The following SGCZ variants were observed in gnomAD, a reference collection of about 807,000 sequenced individuals.
The protein encoded by SGCZ is zeta-sarcoglycan.
In SGCZ, 40 loss-of-function variants were observed where a neutral mutation model predicts 41.3. The observed-to-expected ratio is 0.97, with a 90% CI of 0.75 to 1.26. SGCZ has a LOEUF of 1.26. Among genes scored for constraint, SGCZ ranks in the 50% most tolerant of loss-of-function variants. The pLI is 0.00. For synonymous variants in SGCZ, 206 were observed against 137.5 expected, an observed-to-expected ratio of 1.50 and a Z score of -3.49; for missense variants, 552 against 369.8, an observed-to-expected ratio of 1.49 and a Z score of -4.04.
chr8:14,763,319 C>T lies in SGCZ; in HGVS notation c.40-208393G>A, dbSNP rs6990580. ...AGTTCAGTGTTTTTTCATTTTAATACGGTGGACAAAGCCCATTCTCCAGGA... is the reference window on the plus strand; with the variant it reads ...AGTTCAGTGTTTTTTCATTTTAATATGGTGGACAAAGCCCATTCTCCAGGA... On this transcript the variant is annotated intron_variant, in intron 1 of 7. Coordinates refer to ENST00000382080, the MANE Select transcript of SGCZ (RefSeq NM_139167.4). 5.8e-3 allele frequency among the ~76,000 whole-genome samples: 887 copies of T among 152,204 alleles called. 14 individuals are homozygous for T. The highest frequency in any genetic ancestry group is 0.02 in the African/African-American group (823 of 41,526).
Position 14,946,351 on chromosome 8 carries a change from C to T in SGCZ, c.39+291234G>A, listed in dbSNP as rs147396378. ...TCGGAGTGGCCACGTATACTCCTCGCGCATCACAGAAGGAAACGCTGCTCT... is the reference window on the plus strand; with the variant it reads ...TCGGAGTGGCCACGTATACTCCTCGTGCATCACAGAAGGAAACGCTGCTCT... On this transcript the variant is annotated intron_variant, in intron 1 of 7. Transcript: ENST00000382080. Among the ~76,000 whole-genome samples the T allele has an allele frequency of 2.4e-3, 370 of 151,762 alleles. 3 individuals are homozygous for T. Among genetic ancestry groups the T allele is most frequent in the African/African-American group, 8.6e-3 (358 of 41,392 alleles).
At chr8:14,097,648 A>G (rs980462178) in intron 7 of SGCZ, among the ~76,000 whole-genome samples, 71 of 152,034 alleles carry the variant, frequency 4.7e-4, no homozygotes, top group African/African-American at 1.6e-3. Flanking sequence ...ATCCTTGTTA[A>G]TTTTCTGTCT....
intron 1 of SGCZ, among the ~76,000 whole-genome samples, chr8:15,077,763 A>G (rs1216945088): frequency 1.3e-5 from 2 of 152,102 alleles, no homozygotes; most frequent in African/African-American, 4.8e-5. Flanking sequence ...TAGACACTAA[A>G]CATCCAGCAA....
chr8:14,701,699 CA>C (rs1809143346), intron 1 of SGCZ, among the ~76,000 whole-genome samples: 1 of 151,832 alleles, frequency 6.6e-6, no homozygotes, highest in Non-Finnish European at 1.5e-5. Context: ...ACTGAGAAAG[CA>C]GACACAATCA....
chr8:15,037,803 T>C (rs772756725), intron 1 of SGCZ, among the ~76,000 whole-genome samples: 2 of 152,080 alleles, frequency 1.3e-5, no homozygotes, highest in Non-Finnish European at 2.9e-5. Flanking sequence ...AATCAACATA[T>C]CAATGTCAGT....
In SGCZ at chr8:14,554,874, G is replaced by T. The variant is rs557394974; in HGVS notation, c.92C>A (p.Thr31Asn). Residue 31 changes from threonine (T) to asparagine (N), a missense_variant, in exon 2 of 8, where the codon ACT (threonine) becomes AAT (asparagine). Transcript: ENST00000382080. ...CACTGGGTAAAGTTGTGCATTCTCA[G>T]TCCTTGGCAGGTTATTCTGTTGGGT... ...LATQQNNLPRTENAQLYPVGI... is the reference protein window; with the variant it reads ...LATQQNNLPRNENAQLYPVGI... 3 of 1,612,872 alleles carry T rather than the reference G, an allele frequency of 1.9e-6. No homozygotes were observed. The East Asian group carries it at 6.7e-5, about 36-fold the overall frequency.
At chr8:14,729,955 C>G (rs1416635380) in intron 1 of SGCZ, among the ~76,000 whole-genome samples, 3 of 152,100 alleles carry the variant, frequency 2.0e-5, no homozygotes, top group Non-Finnish European at 4.4e-5. Flanking sequence ...CATGGTAGGA[C>G]AGTCCTCTAA....
At chr8:15,134,116 T>C (rs571257916) in intron 1 of SGCZ, among the ~76,000 whole-genome samples, 23 of 152,270 alleles carry the variant, frequency 1.5e-4, no homozygotes, top group African/African-American at 5.5e-4. Flanking sequence ...TATAAGGCTA[T>C]TTAATAAATA....
chr8:14,122,635 A>G (rs1802734918), intron 5 of SGCZ, among the ~76,000 whole-genome samples: 1 of 152,242 alleles, frequency 6.6e-6, no homozygotes, highest in Non-Finnish European at 1.5e-5. Context: ...TTAAATATCC[A>G]TAAGATATGC....
At chr8:14,755,757 A>C (rs1799644438) in intron 1 of SGCZ, among the ~76,000 whole-genome samples, 1 of 152,182 alleles carries the variant, frequency 6.6e-6, no homozygotes, top group African/African-American at 2.4e-5. Context: ...CATAACTGTG[A>C]TGAATGCTTT....
intron 1 of SGCZ, among the ~76,000 whole-genome samples, chr8:14,743,425 A>G (rs1799251758): frequency 6.6e-6 from 1 of 152,104 alleles, no homozygotes; most frequent in South Asian, 2.1e-4. Flanking sequence ...TTTTATATGA[A>G]ATAACTTTTC....
chr8:14,969,919 C>T (rs1351942873), intron 1 of SGCZ, among the ~76,000 whole-genome samples: 2 of 152,034 alleles, frequency 1.3e-5, no homozygotes, highest in African/African-American at 4.8e-5. Context: ...AATGTTTCAA[C>T]GTCAAGAAAT....
rs148451945 is a variant in SGCZ at position 14,441,449 on chromosome 8, C to T, written c.234+113283G>A. Among the ~76,000 whole-genome samples the T allele has an allele frequency of 1.2e-3, 185 of 152,236 alleles. 2 individuals carry two copies. The highest frequency in any genetic ancestry group is 4.3e-3 in the African/African-American group (179 of 41,546). ...AATTAGTTGGGCGTGGTGGCACGCA[C>T]GGGTAATCCCAACTACTCAGGAGGC... On this transcript the variant is annotated intron_variant, in intron 2 of 7. Transcript: ENST00000382080.
chr8:15,179,686 GCAA>G (rs1800107317), intron 1 of SGCZ, among the ~76,000 whole-genome samples: 1 of 152,078 alleles, frequency 6.6e-6, no homozygotes, highest in Admixed American at 6.6e-5. Flanking sequence ...GTATAACCCT[GCAA>G]CAACAACAAC....
At chr8:14,318,361 T>G (rs1801788003) in intron 3 of SGCZ, among the ~76,000 whole-genome samples, 1 of 151,948 alleles carries the variant, frequency 6.6e-6, no homozygotes, top group South Asian at 2.1e-4. Flanking sequence ...TTCTTTAAAT[T>G]TTTTTGAACA....
intron 1 of SGCZ, among the ~76,000 whole-genome samples, chr8:14,681,937 T>C (rs1395403929): frequency 6.6e-6 from 1 of 151,958 alleles, no homozygotes; most frequent in African/African-American, 2.4e-5. Context: ...TTCCATATAT[T>C]TTAATATTAA....
At chr8:15,129,067 A>T (rs1328361752) in intron 1 of SGCZ, among the ~76,000 whole-genome samples, 1 of 152,154 alleles carries the variant, frequency 6.6e-6, no homozygotes, top group Non-Finnish European at 1.5e-5. Flanking sequence ...TCCTCCACCT[A>T]TAATCATCCC....
chr8:14,841,321 A>C (rs4831658), intron 1 of SGCZ, among the ~76,000 whole-genome samples: 12,932 of 151,266 alleles, frequency 0.085, 603 homozygotes, highest in Admixed American at 0.12. Context: ...ACCTAACATA[A>C]GAGATAAATA....
chr8:14,944,749 G>A lies in SGCZ; in HGVS notation c.39+292836C>T, dbSNP rs115032193. Among the ~76,000 whole-genome samples the A allele has an allele frequency of 9.6e-3, 1,458 of 152,170 alleles. 33 individuals are homozygous for A. Among genetic ancestry groups the A allele is most frequent in the African/African-American group, 0.034 (1,391 of 41,512 alleles). On this transcript the variant is annotated intron_variant, in intron 1 of 7. Transcript: ENST00000382080. ...TGAGGATTTTGCAATCTGAAAGTGC[G>A]TCCCTTTTCAACTTAAGATGGGTTT...
Sources: allele counts gnomAD v4.1 joint callset (sites outside exome capture counted in the v4.1 genomes callset), GRCh38; gene constraint gnomAD v4.1.1; transcripts MANE v1.5; gene names NCBI Gene and HGNC (gene_info 2026-07-23, HGNC 2026-07-21).